Variants in PRDM2 observed in about 807,000 individuals in gnomAD.
PRDM2 encodes the protein PR domain zinc finger protein 2.
A neutral mutation model predicts 130.0 loss-of-function variants in PRDM2; 30 were observed. The ratio of observed to expected loss-of-function variants is 0.23; its 90% CI spans 0.17 to 0.31. PRDM2 has a LOEUF of 0.31. Ranked by LOEUF, PRDM2 falls within the 10% of genes least tolerant of loss-of-function variation. The pLI is 1.00. For synonymous variants in PRDM2, 871 were observed against 782.4 expected (o/e 1.11, Z -1.89); for missense variants, 2,011 against 2,108.4 (o/e 0.95, Z 0.90).
At chr1:13,744,469 A>G (rs1018325146) in intron 5 of PRDM2, among the ~76,000 whole-genome samples, 3 of 152,166 alleles carry the variant, frequency 2.0e-5, no homozygotes, top group Non-Finnish European at 4.4e-5. Context: ...ACAAGGTGGT[A>G]TGGTGTCATG....
Position 13,779,602 on chromosome 1 carries a change from A to G in PRDM2, c.1807A>G (p.Thr603Ala), listed in dbSNP as rs1248640425. 2.5e-6 allele frequency: 4 copies of G among 1,613,926 alleles called. No individual in the cohort carries two copies. The highest frequency in any genetic ancestry group is 1.1e-5 in the South Asian group (1 of 91,062). Residue 603 changes from threonine (T) to alanine (A), a missense_variant, in exon 8 of 10, where the codon ACT (threonine) becomes GCT (alanine). Physicochemically the swap from Thr to Ala is moderately conservative, Grantham distance 58. Around this residue, in one of 5 missense-constraint regions of PRDM2, gnomAD observed 1,288 missense variants for 1,237.7 expected, o/e 1.04. Transcript: ENST00000311066. The surrounding 1 kb of genome is among the most constrained non-coding windows in gnomAD (Gnocchi z 4.9). ...ADLYGINCLL[T>A]PVTVEITQNI... Reference sequence around the variant, plus strand: ...TTTGTATGGTATAAATTGTCTGCTCACTCCAGTTACAGTGGAAATTACTCA... The same window carrying G: ...TTTGTATGGTATAAATTGTCTGCTCGCTCCAGTTACAGTGGAAATTACTCA...
rs144694491 is a variant in PRDM2, at chr1:13,747,101, A to G, written c.385-2260A>G. ...CACTGACAACTGCAGTGGAGTGAACAGGGAAACTTAAGCTCTTATTCTTAG... is the reference window on the plus strand; with the variant it reads ...CACTGACAACTGCAGTGGAGTGAACGGGGAAACTTAAGCTCTTATTCTTAG... On this transcript the variant is annotated intron_variant, in intron 5 of 9. Coordinates refer to ENST00000311066, the MANE Select transcript of PRDM2 (RefSeq NM_001393986.1). Among the ~76,000 whole-genome samples, 27 of 152,358 alleles carry G rather than the reference A, an allele frequency of 1.8e-4. No homozygotes were observed. In the East Asian group the frequency reaches 4.6e-3, roughly 26 times the overall value.
chr1:13,824,940 CTG>C lies in PRDM2; in HGVS notation c.*1807_*1808del, dbSNP rs1645408885. 1 of 152,680 alleles carries C rather than the reference CTG, an allele frequency of 6.5e-6. No homozygotes were observed. Among genetic ancestry groups the C allele is most frequent in the Non-Finnish European group, 1.5e-5 (1 of 68,064 alleles). 9.5% of individuals were successfully genotyped at this position (152,680 alleles called of 1,614,324 possible). On this transcript the variant is annotated 3_prime_UTR_variant, in exon 10 of 10. Coordinates refer to ENST00000311066, the MANE Select transcript of PRDM2 (RefSeq NM_001393986.1). ...CAACGCTCCCAGACGGTCAGGAAAA[CTG>C]TTCCAATCATGAAAAGGGGGGATGA...
At chr1:13,748,154 A>G (rs774725646) in intron 5 of PRDM2, among the ~76,000 whole-genome samples, 7 of 152,226 alleles carry the variant, frequency 4.6e-5, no homozygotes, top group Non-Finnish European at 1.0e-4. Flanking sequence ...TGTGCATCGT[A>G]TCAGGAGACA....
chr1:13,747,769 CAAAAAAA>C (rs78988090), intron 5 of PRDM2, among the ~76,000 whole-genome samples: 30 of 48,388 alleles, frequency 6.2e-4, no homozygotes, highest in African/African-American at 2.0e-3. Context: ...TCCCTCCCCG[CAAAAAAA>C]AAAAAAAAAA....
rs539767169 is a variant in PRDM2, at chr1:13,759,964, A to G, written c.511+10477A>G. 2.7e-4 allele frequency among the ~76,000 whole-genome samples: 41 copies of G among 152,316 alleles called. 1 individual carries two copies. In the South Asian group the frequency reaches 8.1e-3, roughly 30 times the overall value. On this transcript the variant is annotated intron_variant, in intron 6 of 9. Coordinates refer to ENST00000311066, the MANE Select transcript of PRDM2 (RefSeq NM_001393986.1). ...GATTTTAGGAATTTTGTTAATTGCT[A>G]AAGGTGTGATCCACAGTGTCCTTCC...
At chr1:13,743,181 T>C (rs373817473) in intron 5 of PRDM2, among the ~76,000 whole-genome samples, 12 of 151,912 alleles carry the variant, frequency 7.9e-5, no homozygotes, top group African/African-American at 2.4e-4. Context: ...GGGCGGATCA[T>C]GAGGTCAGGA....
At chr1:13,805,588 C>T (rs1161909668) in intron 8 of PRDM2, among the ~76,000 whole-genome samples, 1 of 152,186 alleles carries the variant, frequency 6.6e-6, no homozygotes, top group African/African-American at 2.4e-5. Context: ...TCATCACAGG[C>T]TTGTCTTACC....
intron 2 of PRDM2, among the ~76,000 whole-genome samples, chr1:13,726,913 C>T (rs778336266): frequency 3.3e-5 from 5 of 152,266 alleles, no homozygotes; most frequent in Non-Finnish European, 7.4e-5. Context: ...TACTGGGAGA[C>T]GCCAGCAGCT....
At chr1:13,751,461 T>G (rs909130240) in intron 6 of PRDM2, among the ~76,000 whole-genome samples, 2 of 152,134 alleles carry the variant, frequency 1.3e-5, no homozygotes, top group South Asian at 2.1e-4. Context: ...TCAAACCTTT[T>G]TTACTTTTAA....
chr1:13,808,546 T>C (rs183552524), intron 8 of PRDM2, among the ~76,000 whole-genome samples: 77 of 151,890 alleles, frequency 5.1e-4, no homozygotes, highest in African/African-American at 1.8e-3. Context: ...ACGTATCTCA[T>C]TCATTTTGCC....
intron 8 of PRDM2, among the ~76,000 whole-genome samples, chr1:13,790,404 G>T (rs1230423668): frequency 6.6e-6 from 1 of 152,138 alleles, no homozygotes; most frequent in Non-Finnish European, 1.5e-5. Context: ...AGCCAATCCT[G>T]AGCCGTGTCC....
intron 8 of PRDM2, chr1:13,786,521 C>G (rs1043329501): frequency 9.3e-6 from 15 of 1,610,566 alleles, no homozygotes; most frequent in East Asian, 4.5e-5. Context: ...CTAGGAACTT[C>G]CTGTAGAAAA....
intron 8 of PRDM2, chr1:13,783,248 A>G (rs779457075): frequency 2.8e-5 from 13 of 471,462 alleles, no homozygotes; most frequent in African/African-American, 6.0e-5. Context: ...CCATGTTACA[A>G]TCTTGTTTAA....
chr1:13,780,780 T>A lies in PRDM2; in HGVS notation c.2985T>A (p.Leu995=), dbSNP rs184075374. The A allele has an allele frequency of 2.7e-4, 419 of 1,567,660 alleles. 1 individual carries two copies. Among genetic ancestry groups the A allele is most frequent in the Non-Finnish European group, 6.2e-5 (71 of 1,153,678 alleles). Residue 995 remains leucine (L), a synonymous_variant, in exon 8 of 10, where the codon CTT becomes CTA. Transcript: ENST00000311066. ...PPPPLLPTVP[L]PAPSSSASPH... ...CTCCCCTCCTTCCTACCGTACCTCT[T>A]CCAGCCCCCTCTTCCAGTGCATCTC...
chr1:13,724,406 T>G (rs1164997107), intron 2 of PRDM2, among the ~76,000 whole-genome samples: 2 of 152,280 alleles, frequency 1.3e-5, no homozygotes, highest in East Asian at 1.9e-4. Flanking sequence ...GTCACAGCCA[T>G]GTTTTGTCCC....
chr1:13,804,415 C>G (rs936056570), intron 8 of PRDM2, among the ~76,000 whole-genome samples: 3 of 152,224 alleles, frequency 2.0e-5, no homozygotes, highest in African/African-American at 7.2e-5. Flanking sequence ...AGAACGGGCC[C>G]CTGCTGGCCA....
intron 6 of PRDM2, among the ~76,000 whole-genome samples, chr1:13,751,928 C>T (rs1490375064): frequency 6.6e-6 from 1 of 151,862 alleles, no homozygotes; most frequent in Non-Finnish European, 1.5e-5. Context: ...AGTAGTGGCC[C>T]CTTCTCTCTC....
In PRDM2 at chr1:13,780,728, C is replaced by T. The variant is rs777876057; in HGVS notation, c.2933C>T (p.Pro978Leu). ...TDPSSPPPCP[P>L]VLTVATPPPP... ...CCCTCTTCCCCTCCACCCTGTCCCC[C>T]GGTATTAACTGTTGCCACTCCGCCC... The change falls in exon 8 of 10, where the codon CCG becomes CTG. Residue 978 changes from proline (P) to leucine (L), a missense_variant. Coordinates refer to ENST00000311066, the MANE Select transcript of PRDM2 (RefSeq NM_001393986.1). 9 of 1,593,196 alleles carry T rather than the reference C, an allele frequency of 5.6e-6. No individual in the cohort carries two copies. The highest frequency in any genetic ancestry group is 1.1e-5 in the South Asian group (1 of 88,276).
Sources: gnomAD v4.1 joint callset for allele counts (sites outside exome capture counted in the v4.1 genomes callset) on GRCh38, gnomAD v4.1.1 for gene constraint, gnomAD v4.1.1 regional missense constraint, Gnocchi (gnomAD v3.1) non-coding constraint, MANE v1.5 for transcripts, NCBI Gene and HGNC (gene_info 2026-07-23, HGNC 2026-07-21) for gene names.